Variants in ILRUN observed in about 807,000 individuals in gnomAD.
The protein encoded by ILRUN is inflammation and lipid regulator with UBA-like and NBR1-like domains.
In ILRUN, 3 loss-of-function variants were observed where a neutral mutation model predicts 33.8. The ratio of observed to expected loss-of-function variants is 0.09; its 90% CI spans 0.04 to 0.23. The LOEUF is 0.23. Among genes scored for constraint, ILRUN ranks in the 10% least tolerant of loss-of-function variants. The pLI is 1.00. For synonymous variants in ILRUN, 124 were observed against 138.9 expected (o/e 0.89, Z 0.75); for missense variants, 210 against 375.1 (o/e 0.56, Z 3.64).
chr6:34,637,059 CCT>C (rs1762379185), intron 3 of ILRUN, among the ~76,000 whole-genome samples: 1 of 152,076 alleles, frequency 6.6e-6, no homozygotes, highest in East Asian at 1.9e-4. Flanking sequence ...AGTGGCTCTA[CCT>C]CTCTCCCCTA....
chr6:34,652,579 C>G (rs1004505255), intron 2 of ILRUN, among the ~76,000 whole-genome samples: 2 of 152,162 alleles, frequency 1.3e-5, no homozygotes, highest in Non-Finnish European at 2.9e-5. Context: ...TCATAAAGAA[C>G]TGAATTGTAA....
At chr6:34,606,259 T>C (rs919526518) in intron 4 of ILRUN, among the ~76,000 whole-genome samples, 6 of 152,158 alleles carry the variant, frequency 3.9e-5, no homozygotes, top group Non-Finnish European at 7.4e-5. Context: ...CAACATTGTT[T>C]CTTTTTTTAA....
intron 3 of ILRUN, among the ~76,000 whole-genome samples, chr6:34,638,805 C>A (rs1180749416): frequency 6.6e-6 from 1 of 152,106 alleles, no homozygotes; most frequent in Non-Finnish European, 1.5e-5. Flanking sequence ...CAGTGAGCAT[C>A]TTATGGAGGA....
intron 3 of ILRUN, among the ~76,000 whole-genome samples, chr6:34,633,920 G>T (rs1405447040): frequency 2.5e-5 from 3 of 117,680 alleles, no homozygotes; most frequent in African/African-American, 6.8e-5. Context: ...AGGGAGGGAG[G>T]GAATGAAATC....
chr6:34,676,421 T>C (rs1763231223), intron 1 of ILRUN, among the ~76,000 whole-genome samples: 1 of 151,606 alleles, frequency 6.6e-6, no homozygotes, highest in Non-Finnish European at 1.5e-5. Flanking sequence ...TATGTACAGA[T>C]AGATATAGCT....
chr6:34,587,442 A>T lies in ILRUN; in HGVS notation c.*3123T>A, dbSNP rs1761215769. On this transcript the variant is annotated 3_prime_UTR_variant, in exon 5 of 5. Coordinates refer to ENST00000374023, the MANE Select transcript of ILRUN (RefSeq NM_024294.4). ...ACACCACTGTCCAGGTGGGAAGGGC[A>T]GCCACTGCTGCTCCTGCATTCACCC... 6.5e-6 allele frequency: 1 copy of T among 152,700 alleles called. No homozygotes were observed. Among genetic ancestry groups the T allele is most frequent in the African/African-American group, 2.4e-5 (1 of 41,458 alleles). 9.5% of individuals were successfully genotyped at this position (152,700 alleles called of 1,614,324 possible).
chr6:34,624,318 AT>A (rs1185365164), intron 3 of ILRUN, among the ~76,000 whole-genome samples: 1 of 151,596 alleles, frequency 6.6e-6, no homozygotes, highest in African/African-American at 2.4e-5. Flanking sequence ...TACCTAATTT[AT>A]TTTTTTATTT....
At position 34,646,374 on chromosome 6, in the gene ILRUN, A is replaced by C. The variant is rs1264139285; in HGVS notation, c.511+227T>G. On this transcript the variant is annotated intron_variant, in intron 3 of 4. Transcript: ENST00000374023. The surrounding 1 kb of genome is among the most constrained non-coding windows in gnomAD (Gnocchi z 4.9). ...CTACTAAATATTTATTTAGAACACA[A>C]AATATAATACCTCGTACAGGTCACT... Among the ~76,000 whole-genome samples, 1 of 152,316 alleles carries C rather than the reference A, an allele frequency of 6.6e-6. No individual in the cohort carries two copies. The highest frequency in any genetic ancestry group is 2.4e-5 in the African/African-American group (1 of 41,566).
At position 34,616,664 on chromosome 6, in the gene ILRUN, G is replaced by A; in HGVS notation, c.512-9760C>T. 4 of 1,175,686 alleles carry A rather than the reference G, an allele frequency of 3.4e-6. No individual in the cohort carries two copies. In the South Asian group the frequency reaches 3.7e-5, roughly 11 times the overall value. 72.8% of individuals were successfully genotyped at this position (1,175,686 alleles called of 1,614,324 possible). A position where few individuals can be genotyped will look rare whatever the true frequency, so the allele number is the denominator to read the frequency against. On this transcript the variant is annotated intron_variant, in intron 3 of 4. Transcript: ENST00000374023. Reference sequence around the variant, plus strand: ...GTTTGCCCAAAAGGTGCTTTGAAAGGCAAGGAGGAAGCTTATCTATCACAA... The same window carrying A: ...GTTTGCCCAAAAGGTGCTTTGAAAGACAAGGAGGAAGCTTATCTATCACAA...
At position 34,655,113 on chromosome 6, in the gene ILRUN, G is replaced by A. The variant is rs549076936; in HGVS notation, c.159-334C>T. Among the ~76,000 whole-genome samples the A allele has an allele frequency of 1.8e-4, 27 of 152,136 alleles. No homozygotes were observed. In the East Asian group the frequency reaches 5.2e-3, roughly 29 times the overall value. On this transcript the variant is annotated intron_variant, in intron 1 of 4. Transcript: ENST00000374023. ...TTCTATAACTACGGCATTCAAAGAAGCACTACTTTTTATTTTGTATTATTA... is the reference window on the plus strand; with the variant it reads ...TTCTATAACTACGGCATTCAAAGAAACACTACTTTTTATTTTGTATTATTA...
At chr6:34,654,931 G>A in intron 1 of ILRUN, 152 bp from the exon 2 acceptor site, 1 of 581,512 alleles carries the variant, frequency 1.7e-6, no homozygotes, top group Non-Finnish European at 2.7e-6. Flanking sequence ...TCTGGCTGAG[G>A]AACAATAGGA....
intron 1 of ILRUN, among the ~76,000 whole-genome samples, chr6:34,673,191 C>T (rs138018454): frequency 1.3e-5 from 2 of 152,220 alleles, no homozygotes; most frequent in East Asian, 3.9e-4. Context: ...ATCTCTCTTG[C>T]ACTTTCAGGA....
At chr6:34,614,760 C>A (rs541772771) in intron 3 of ILRUN, among the ~76,000 whole-genome samples, 135 of 152,032 alleles carry the variant, frequency 8.9e-4, no homozygotes, top group Non-Finnish European at 1.8e-3. Context: ...TACTACTTAA[C>A]CAAGTGATCA....
intron 4 of ILRUN, among the ~76,000 whole-genome samples, chr6:34,591,098 T>C (rs556022222): frequency 6.6e-6 from 1 of 152,306 alleles, no homozygotes; most frequent in African/African-American, 2.4e-5. Context: ...TTATCCTACA[T>C]TGCCTTTAAT....
chr6:34,666,506 A>G (rs1030047200), intron 1 of ILRUN, among the ~76,000 whole-genome samples: 6 of 152,322 alleles, frequency 3.9e-5, no homozygotes, highest in Admixed American at 3.9e-4. Context: ...GGTTGCAGTG[A>G]GCCAAGATTG....
At chr6:34,630,035 G>C (rs911743988) in intron 3 of ILRUN, among the ~76,000 whole-genome samples, 1 of 152,126 alleles carries the variant, frequency 6.6e-6, no homozygotes, top group Non-Finnish European at 1.5e-5. Flanking sequence ...CAGTATGCTA[G>C]TATCACTACT....
At chr6:34,619,508 T>C (rs1761966925) in intron 3 of ILRUN, among the ~76,000 whole-genome samples, 1 of 152,002 alleles carries the variant, frequency 6.6e-6, no homozygotes, top group South Asian at 2.1e-4. Flanking sequence ...CGCAGGCACT[T>C]GCCACCATGC....
chr6:34,676,442 C>CTAGCTAGCTAGA (rs377034822), intron 1 of ILRUN, among the ~76,000 whole-genome samples: 18 of 149,862 alleles, frequency 1.2e-4, no homozygotes, highest in South Asian at 4.2e-4. Context: ...AGCTAGCTAG[C>CTAGCTAGCTAGA]TAGATAGATA....
chr6:34,639,602 TAAG>T lies in ILRUN; in HGVS notation c.511+6996_511+6998del, dbSNP rs568452365. 1.4e-3 allele frequency among the ~76,000 whole-genome samples: 220 copies of T among 152,166 alleles called. 1 individual carries two copies. Among genetic ancestry groups the T allele is most frequent in the African/African-American group, 5.0e-3 (206 of 41,504 alleles). ...TGGGGAAAACTGACACCCAACTACC[TAAG>T]AATAGCCCTGTCAATCTCAACTCCA... On this transcript the variant is annotated intron_variant, in intron 3 of 4. Transcript: ENST00000374023.
Sources: gnomAD v4.1 joint callset for allele counts (sites outside exome capture counted in the v4.1 genomes callset) on GRCh38, gnomAD v4.1.1 for gene constraint, Gnocchi (gnomAD v3.1) non-coding constraint, MANE v1.5 for transcripts, NCBI Gene and HGNC (gene_info 2026-07-23, HGNC 2026-07-21) for gene names.